Variants in CNST observed in about 807,000 individuals in gnomAD.
CNST encodes the protein consortin.
In CNST, 39 loss-of-function variants were observed where a neutral mutation model predicts 72.4. The observed-to-expected ratio is 0.54, with a 90% CI of 0.42 to 0.70. The LOEUF is 0.70. Ranked by LOEUF, CNST falls within the 30% of genes least tolerant of loss-of-function variation. The pLI, the probability that CNST is intolerant of heterozygous loss-of-function variation, is 0.00. For missense variants in CNST, 871 were observed against 868.5 expected (o/e 1.00, Z -0.04); for synonymous variants, 332 against 320.1 (o/e 1.04, Z -0.40).
rs747974867 is a variant in CNST at position 246,591,587 on chromosome 1, T to A, written c.25T>A (p.Tyr9Asn). The change falls in exon 2 of 11, where the codon TAT (tyrosine) becomes AAT (asparagine). Residue 9 changes from tyrosine to asparagine, a missense_variant. Tyr to Asn is a moderately radical substitution (Grantham distance 143). Coordinates refer to ENST00000366513, the MANE Select transcript of CNST (RefSeq NM_152609.3). ...AATGGATGACAGCGATACTCCTACA[T>A]ATTATCTGCAAATAGAACCACAAGA... The part of the protein sequence containing the change: MDDSDTPT[Y>N]YLQIEPQDGC... The A allele has an allele frequency of 6.2e-7, 1 of 1,614,010 alleles. No homozygotes were observed. Among genetic ancestry groups the A allele is most frequent in the Non-Finnish European group, 8.5e-7 (1 of 1,179,882 alleles).
At chr1:246,607,281 C>T (rs1019801548) in intron 2 of CNST, 1 of 152,032 alleles carries the variant, frequency 6.6e-6, no homozygotes, top group Middle Eastern at 3.4e-3. Context: ...TATCCCATGC[C>T]ACGGCCACTG....
chr1:246,644,196 C>T (rs532167546), intron 8 of CNST, among the ~76,000 whole-genome samples: 3 of 152,010 alleles, frequency 2.0e-5, no homozygotes, highest in South Asian at 4.2e-4. Flanking sequence ...GTCAGGAGAT[C>T]GAGACCACAG....
chr1:246,619,198 C>T (rs77108727), intron 2 of CNST, among the ~76,000 whole-genome samples: 4,015 of 151,686 alleles, frequency 0.026, 293 homozygotes, highest in East Asian at 0.22. Flanking sequence ...TGTAGTTCTC[C>T]GTGGAAAACT....
intron 3 of CNST, 31 bp downstream of exon 3, chr1:246,621,665 C>A: frequency 6.4e-7 from 1 of 1,557,490 alleles, no homozygotes; most frequent in Non-Finnish European, 8.9e-7. Context: ...CTTTCAGCCT[C>A]ACGAAAATTC....
intron 2 of CNST, among the ~76,000 whole-genome samples, chr1:246,620,878 A>G (rs1306225595): frequency 6.6e-6 from 1 of 151,996 alleles, no homozygotes; most frequent in Non-Finnish European, 1.5e-5. Flanking sequence ...AGTCATGCGT[A>G]CACACTATGG....
At chr1:246,588,996 G>A (rs1661367586) in intron 1 of CNST, among the ~76,000 whole-genome samples, 1 of 151,904 alleles carries the variant, frequency 6.6e-6, no homozygotes, top group South Asian at 2.1e-4. Context: ...CATATTTCAG[G>A]TACTCAATAG....
intron 6 of CNST, 119 bp downstream of exon 6, chr1:246,634,706 A>C: frequency 1.5e-6 from 1 of 647,376 alleles, no homozygotes; most frequent in Non-Finnish European, 2.7e-6. Context: ...GATGGATATA[A>C]TATAATTATT....
chr1:246,649,517 T>C (rs749933128), intron 9 of CNST, among the ~76,000 whole-genome samples: 3 of 152,206 alleles, frequency 2.0e-5, no homozygotes, highest in African/African-American at 4.8e-5. Flanking sequence ...TACCAAAAAG[T>C]TACCATTGTC....
At position 246,657,279 on chromosome 1, in the gene CNST, T is replaced by C. The variant is rs1303089979; in HGVS notation, c.1837-2920T>C. Reference sequence around the variant, plus strand: ...GTGCCTCCTTGGCCTGCATCTCTTATGCATAAGCTTGGCCCACCGTCCCTT... The same window carrying C: ...GTGCCTCCTTGGCCTGCATCTCTTACGCATAAGCTTGGCCCACCGTCCCTT... On this transcript the variant is annotated intron_variant, in intron 9 of 10. Coordinates refer to ENST00000366513, the MANE Select transcript of CNST (RefSeq NM_152609.3). Among the ~76,000 whole-genome samples, 6 of 152,186 alleles carry C rather than the reference T, an allele frequency of 3.9e-5. No individual in the cohort carries two copies. The East Asian group carries it at 7.7e-4, about 20-fold the overall frequency.
At chr1:246,570,865 A>G (rs1660026915) in intron 1 of CNST, among the ~76,000 whole-genome samples, 1 of 152,210 alleles carries the variant, frequency 6.6e-6, no homozygotes, top group Non-Finnish European at 1.5e-5. Flanking sequence ...AAGCCCTGAT[A>G]AGGTTTAACT....
chr1:246,610,049 G>A (rs1663200149), intron 2 of CNST, among the ~76,000 whole-genome samples: 1 of 152,204 alleles, frequency 6.6e-6, no homozygotes, highest in Non-Finnish European at 1.5e-5. Context: ...TTGGGAGGCT[G>A]AGGCGGGTGG....
At chr1:246,642,998 C>T (rs1290658971) in intron 8 of CNST, among the ~76,000 whole-genome samples, 1 of 149,974 alleles carries the variant, frequency 6.7e-6, no homozygotes, top group African/African-American at 2.5e-5. Flanking sequence ...AAGTAATCCT[C>T]CCGCCTCAGT....
At chr1:246,623,646 C>T (rs1664229822) in intron 3 of CNST, among the ~76,000 whole-genome samples, 2 of 152,096 alleles carry the variant, frequency 1.3e-5, no homozygotes, top group Non-Finnish European at 2.9e-5. Context: ...CCTGTAGTCC[C>T]AGCTACTCGA....
chr1:246,639,859 G>A (rs1050177676), intron 6 of CNST, among the ~76,000 whole-genome samples: 10 of 150,808 alleles, frequency 6.6e-5, no homozygotes, highest in Non-Finnish European at 1.5e-4. Context: ...GGATGGGGCC[G>A]AGGTTTTATG....
chr1:246,659,783 T>G (rs1666986237), intron 9 of CNST, among the ~76,000 whole-genome samples: 1 of 152,200 alleles, frequency 6.6e-6, no homozygotes, highest in Non-Finnish European at 1.5e-5. Flanking sequence ...TGTTTAAAAT[T>G]GCTGATGAAT....
intron 1 of CNST, among the ~76,000 whole-genome samples, chr1:246,580,304 A>G (rs1660700590): frequency 1.3e-5 from 2 of 152,236 alleles, no homozygotes; most frequent in Non-Finnish European, 2.9e-5. Flanking sequence ...TAGCATTTAA[A>G]GTATTTGTGG....
At chr1:246,664,489 T>C (rs182748250) in intron 10 of CNST, among the ~76,000 whole-genome samples, 105 of 151,946 alleles carry the variant, frequency 6.9e-4, no homozygotes, top group East Asian at 1.7e-3. Context: ...TGCAGTGGTG[T>C]GATCTCAGCT....
At chr1:246,644,314 G>A (rs1255181258) in intron 8 of CNST, among the ~76,000 whole-genome samples, 3 of 150,940 alleles carry the variant, frequency 2.0e-5, no homozygotes, top group African/African-American at 7.3e-5. Flanking sequence ...GCGTGAACCC[G>A]GGAGGCGGAG....
At chr1:246,582,933 C>T (rs1240080577) in intron 1 of CNST, among the ~76,000 whole-genome samples, 1 of 152,282 alleles carries the variant, frequency 6.6e-6, no homozygotes, top group South Asian at 2.1e-4. Context: ...TTGAAGGTGC[C>T]TGGGGCCAGC....
Sources: allele counts gnomAD v4.1 joint callset (sites outside exome capture counted in the v4.1 genomes callset), GRCh38; gene constraint gnomAD v4.1.1; transcripts MANE v1.5; gene names NCBI Gene and HGNC (gene_info 2026-07-23, HGNC 2026-07-21).